REV3L: variants seen among roughly 807,000 people sequenced by gnomAD.
REV3L encodes REV3 like, DNA directed polymerase zeta catalytic subunit, also known as DNA polymerase zeta catalytic subunit.
In REV3L, 69 loss-of-function variants were observed where a neutral mutation model predicts 299.4. The ratio of observed to expected loss-of-function variants is 0.23; its 90% CI spans 0.19 to 0.28. REV3L has a LOEUF of 0.28. Among genes scored for constraint, REV3L ranks in the 10% least tolerant of loss-of-function variants. The pLI, the probability that REV3L is intolerant of heterozygous loss-of-function variation, is 1.00. For missense variants in REV3L, 3,128 were observed against 3,693.8 expected, an observed-to-expected ratio of 0.85 and a Z score of 3.97; for synonymous variants, 1,238 against 1,271.4, an observed-to-expected ratio of 0.97 and a Z score of 0.56.
Position 111,309,858 on chromosome 6 carries a change from G to C in REV3L, c.9037C>G (p.Pro3013Ala), listed in dbSNP as rs753058223. 6.2e-6 allele frequency: 10 copies of C among 1,613,278 alleles called. No individual in the cohort carries two copies. Among genetic ancestry groups the C allele is most frequent in the Non-Finnish European group, 7.6e-6 (9 of 1,179,566 alleles). ...GTACTATTTGGTAAGCTTACCCTTG[G>C]TAATTCATGATACCAGCTGAAGACA... is the stretch of plus-strand genomic sequence containing the variant. ...IDVFSWYHELPRIHKATSSSR... is the reference protein window; with the variant it reads ...IDVFSWYHELARIHKATSSSR... Residue 3013 changes from proline to alanine, a missense_variant, in exon 30 of 32, where the codon CCA (proline) becomes GCA (alanine). Physicochemically the swap from Pro to Ala is conservative, Grantham distance 27. Around this residue, in one of 9 missense-constraint regions of REV3L, gnomAD observed 294 missense variants for 377.0 expected, o/e 0.78. Transcript: ENST00000368802.
intron 25 of REV3L, among the ~76,000 whole-genome samples, chr6:111,328,038 C>G (rs1215634528): frequency 6.6e-6 from 1 of 152,122 alleles, no homozygotes; most frequent in Non-Finnish European, 1.5e-5. Flanking sequence ...TAACAAGTTA[C>G]TCTGTTCTTT....
chr6:111,410,070 T>A (rs532770555), intron 3 of REV3L, among the ~76,000 whole-genome samples: 1 of 152,196 alleles, frequency 6.6e-6, no homozygotes, highest in East Asian at 1.9e-4. Context: ...TCTGGTATGG[T>A]GGCTCAGGCC....
At position 111,375,620 on chromosome 6, in the gene REV3L, A is replaced by G; in HGVS notation, c.2735T>C (p.Leu912Pro). 1.2e-6 allele frequency: 2 copies of G among 1,613,846 alleles called. No individual in the cohort carries two copies. Among genetic ancestry groups the G allele is most frequent in the South Asian group, 2.2e-5 (2 of 91,076 alleles). ...TCTAAGTGTGTATTTATTTCCATAT[A>G]GTCCAAAGGACTGCTCAGTTTCTAA... ...GTLETEQSFG[L>P]YGNKYTLRAK... The change falls in exon 13 of 32, where the codon CTA becomes CCA. Residue 912 changes from leucine (L) to proline (P), a missense_variant. Transcript: ENST00000368802.
chr6:111,428,828 T>A (rs942037945), intron 1 of REV3L, among the ~76,000 whole-genome samples: 2 of 151,538 alleles, frequency 1.3e-5, no homozygotes, highest in Admixed American at 1.3e-4. Context: ...TTTCAAGAAA[T>A]AACAGAAAAA....
At chr6:111,401,442 A>C (rs150994001) in intron 4 of REV3L, among the ~76,000 whole-genome samples, 4 of 152,348 alleles carry the variant, frequency 2.6e-5, no homozygotes, top group African/African-American at 7.2e-5. Context: ...ATTTGCTCAC[A>C]TACTTTGGTT....
chr6:111,455,320 A>G (rs1476864111), intron 1 of REV3L, among the ~76,000 whole-genome samples: 7 of 152,174 alleles, frequency 4.6e-5, no homozygotes, highest in African/African-American at 1.7e-4. Context: ...CTGAACACCT[A>G]GGACAGCCAA....
Position 111,387,723 on chromosome 6 carries a change from T to C in REV3L, c.1096+42A>G, listed in dbSNP as rs1022293202. 7.1e-6 allele frequency: 11 copies of C among 1,555,368 alleles called. No individual in the cohort carries two copies. In the Admixed American group the frequency reaches 8.5e-5, roughly 12 times the overall value. On this transcript the variant is annotated intron_variant, in intron 9 of 31. Transcript: ENST00000368802. ...AATATTAACATCTCAGTGCTAGATA[T>C]CTGTTCTAGTAGTTTCTGTATACAT...
Position 111,367,150 on chromosome 6 carries a change from A to T in REV3L, c.6638T>A (p.Leu2213His). 1 of 1,606,012 alleles carries T rather than the reference A, an allele frequency of 6.2e-7. No homozygotes were observed. The highest frequency in any genetic ancestry group is 8.5e-7 in the Non-Finnish European group (1 of 1,177,344). Residue 2213 changes from leucine (L) to histidine (H), a missense_variant, in exon 14 of 32, where the codon CTT (leucine) becomes CAT (histidine). Coordinates refer to ENST00000368802, the MANE Select transcript of REV3L (RefSeq NM_001372078.1). The stretch of plus-strand genomic sequence containing the variant: ...TGGGCTAAGGCCAGGTGCTTCAGGA[A>T]GCCTTTCCAGAAGTTTTCTCTGTAT... The part of the protein sequence containing the change: ...PIIQRKLLER[L>H]PEAPGLSPLS...
chr6:111,472,163 C>G (rs1043220484), intron 1 of REV3L: 33 of 1,260,334 alleles, frequency 2.6e-5, no homozygotes, highest in Non-Finnish European at 3.4e-5. Context: ...TTAGATTAGT[C>G]ATTTTCTTGT....
At chr6:111,307,103 T>C (rs1177041245) in intron 31 of REV3L, among the ~76,000 whole-genome samples, 2 of 152,122 alleles carry the variant, frequency 1.3e-5, no homozygotes, top group Non-Finnish European at 2.9e-5. Context: ...ATAAAAGAAA[T>C]TGGATGGATG....
At chr6:111,313,664 T>A in intron 27 of REV3L, 175 bp from the exon 28 acceptor site, 1 of 580,864 alleles carries the variant, frequency 1.7e-6, no homozygotes, top group Non-Finnish European at 2.9e-6. Context: ...TGAATTGTCT[T>A]TAAGTTGTTA....
At chr6:111,312,273 AAATTCACAT>A (rs1405598068) in intron 28 of REV3L, 2 of 151,892 alleles carry the variant, frequency 1.3e-5, no homozygotes, top group African/African-American at 4.8e-5. Context: ...AAAAAATCCC[AAATTCACAT>A]AATATTATAT....
intron 18 of REV3L, among the ~76,000 whole-genome samples, chr6:111,354,431 A>G (rs533311583): frequency 9.2e-5 from 14 of 152,170 alleles, no homozygotes; most frequent in Non-Finnish European, 1.9e-4. Context: ...ACTGCTGAAA[A>G]AAGTTACCCT....
At chr6:111,450,998 C>T (rs1195899459) in intron 1 of REV3L, among the ~76,000 whole-genome samples, 6 of 152,156 alleles carry the variant, frequency 3.9e-5, no homozygotes, top group African/African-American at 1.2e-4. Flanking sequence ...GGTGATAAGG[C>T]AGAAAGGAGA....
intron 1 of REV3L, among the ~76,000 whole-genome samples, chr6:111,475,346 T>C (rs926848047): frequency 1.6e-4 from 24 of 152,202 alleles, no homozygotes; most frequent in African/African-American, 5.8e-4. Flanking sequence ...ATTTGACATA[T>C]ATGCAAAATC....
rs565998747 is a variant in REV3L, at chr6:111,316,862, A to G, written c.8352-1481T>C. Reference sequence around the variant, plus strand: ...GCTATAATGGATCATGTTACTTGGTAATGAATAATATTGAATTACATGAAT... The same window carrying G: ...GCTATAATGGATCATGTTACTTGGTGATGAATAATATTGAATTACATGAAT... On this transcript the variant is annotated intron_variant, in intron 26 of 31. Transcript: ENST00000368802. 8.5e-5 allele frequency among the ~76,000 whole-genome samples: 13 copies of G among 152,336 alleles called. No homozygotes were observed. In the South Asian group the frequency reaches 2.7e-3, roughly 32 times the overall value.
At chr6:111,477,436 G>T (rs1187675211) in intron 1 of REV3L, among the ~76,000 whole-genome samples, 1 of 152,230 alleles carries the variant, frequency 6.6e-6, no homozygotes, top group Non-Finnish European at 1.5e-5. Flanking sequence ...ATGGTGCTCT[G>T]AGAGTCTGTG....
At chr6:111,409,020 A>T (rs917246078) in intron 3 of REV3L, among the ~76,000 whole-genome samples, 2 of 152,236 alleles carry the variant, frequency 1.3e-5, no homozygotes, top group African/African-American at 2.4e-5. Flanking sequence ...TCCTATGTTA[A>T]CATAAATAAC....
chr6:111,455,696 G>A (rs117608650), intron 1 of REV3L, among the ~76,000 whole-genome samples: 257 of 152,232 alleles, frequency 1.7e-3, no homozygotes, highest in Admixed American at 2.5e-3. Context: ...GTAAGTGATT[G>A]TTACCTGTTT....
Sources: gnomAD v4.1 joint callset for allele counts (sites outside exome capture counted in the v4.1 genomes callset) on GRCh38, gnomAD v4.1.1 for gene constraint, gnomAD v4.1.1 regional missense constraint, MANE v1.5 for transcripts, NCBI Gene and HGNC (gene_info 2026-07-23, HGNC 2026-07-21) for gene names.